Variants in HDLBP observed in about 807,000 individuals in gnomAD.
HDLBP encodes high density lipoprotein binding protein.
HDLBP carries 30 observed loss-of-function variants against 137.3 expected under a neutral mutation model. The ratio of observed to expected loss-of-function variants is 0.22; its 90% CI spans 0.16 to 0.30. The LOEUF is 0.30. Among genes scored for constraint, HDLBP ranks in the 10% least tolerant of loss-of-function variants. The pLI, the probability that HDLBP is intolerant of heterozygous loss-of-function variation, is 1.00. For synonymous variants in HDLBP, 606 were observed against 596.0 expected, an observed-to-expected ratio of 1.02 and a Z score of -0.24; for missense variants, 1,119 against 1,667.3, an observed-to-expected ratio of 0.67 and a Z score of 5.73.
Position 241,238,608 on chromosome 2 carries a change from G to T in HDLBP, c.2749+41C>A. On this transcript the variant is annotated intron_variant, in intron 20 of 27. Coordinates refer to ENST00000310931, the MANE Select transcript of HDLBP (RefSeq NM_005336.6). The surrounding 1 kb of genome is among the most constrained non-coding windows in gnomAD (Gnocchi z 4.9). ...CAGCCCCGCCTCTCACATGGGAGGC[G>T]CCACTATTAACAAGCAGAGCAGGGC... is the stretch of plus-strand genomic sequence containing the variant. 1 of 1,434,812 alleles carries T rather than the reference G, an allele frequency of 7.0e-7. No homozygotes were observed. The highest frequency in any genetic ancestry group is 9.3e-7 in the Non-Finnish European group (1 of 1,076,882). 88.9% of individuals were successfully genotyped at this position (1,434,812 alleles called of 1,614,324 possible). A position where few individuals can be genotyped will look rare whatever the true frequency, so the allele number is the denominator to read the frequency against.
At chr2:241,286,262 C>T (rs573312830) in intron 1 of HDLBP, among the ~76,000 whole-genome samples, 41 of 152,108 alleles carry the variant, frequency 2.7e-4, no homozygotes, top group Non-Finnish European at 4.3e-4. Context: ...AAAACCAACA[C>T]AGGCAACATA....
intron 1 of HDLBP, among the ~76,000 whole-genome samples, chr2:241,301,962 GGCTC>G (rs2075409624): frequency 6.6e-6 from 1 of 151,948 alleles, no homozygotes; most frequent in Admixed American, 6.6e-5. Flanking sequence ...CAGGCACAGT[GGCTC>G]ACACCTGTAA....
chr2:241,262,931 T>C lies in HDLBP; in HGVS notation c.235-5A>G. 1 of 1,590,320 alleles carries C rather than the reference T, an allele frequency of 6.3e-7. No homozygotes were observed. The highest frequency in any genetic ancestry group is 8.6e-7 in the Non-Finnish European group (1 of 1,158,802). ...CTCCAGGGGTACATGGAACACCTGC[T>C]CAAAAAAGATCAAAAAAGGAAAGGT... On this transcript the variant is annotated splice_polypyrimidine_tract_variant and splice_region_variant and intron_variant, in intron 4 of 27. Transcript: ENST00000310931.
chr2:241,312,549 T>C (rs1210312318), intron 1 of HDLBP, among the ~76,000 whole-genome samples: 2 of 152,270 alleles, frequency 1.3e-5, no homozygotes, highest in African/African-American at 4.8e-5. Context: ...TCTGCTTTTC[T>C]ACTTGGTCAA....
chr2:241,252,661 C>T (rs2072287328), intron 11 of HDLBP, among the ~76,000 whole-genome samples: 1 of 152,248 alleles, frequency 6.6e-6, no homozygotes, highest in Non-Finnish European at 1.5e-5. Context: ...ATAGAGAATG[C>T]TGCCCTTGGG....
At chr2:241,280,005 G>A in intron 1 of HDLBP, 1 of 985,412 alleles carries the variant, frequency 1.0e-6, no homozygotes, top group Non-Finnish European at 1.2e-6. Context: ...CGGACCAGGG[G>A]TCATCTCCAA....
At position 241,238,531 on chromosome 2, in the gene HDLBP, A is replaced by G; in HGVS notation, c.2749+118T>C. The stretch of plus-strand genomic sequence containing the variant: ...CTGAACCTCTGGAAGCCCCCAGAAT[A>G]CATAGATGGTTTTCCAGCAGAGACA... On this transcript the variant is annotated intron_variant, in intron 20 of 27. Transcript: ENST00000310931. This position sits in a 1 kb window ranked among gnomAD's most constrained non-coding sequence, Gnocchi z 4.9. 1 of 808,366 alleles carries G rather than the reference A, an allele frequency of 1.2e-6. No homozygotes were observed. The highest frequency in any genetic ancestry group is 2.8e-5 in the South Asian group (1 of 35,640). The allele number at this position is 808,366 out of a possible 1,614,324, so 50.1% of individuals were successfully genotyped here. A position where few individuals can be genotyped will look rare whatever the true frequency, so the allele number is the denominator to read the frequency against.
Position 241,249,972 on chromosome 2 carries a change from T to A in HDLBP, c.1381A>T (p.Ile461Phe). Residue 461 changes from isoleucine (I) to phenylalanine (F), a missense_variant, in exon 12 of 28, where the codon ATC becomes TTC. By Grantham distance (21) the Ile-to-Phe change is conservative. This residue lies in a region of HDLBP where 425 missense variants were observed against 693.9 expected (regional missense o/e 0.61). Transcript: ENST00000310931. ...IGKSGANINR[I>F]KDQYKVSVRI... ...ACGGACACCTTGTACTGGTCTTTGA[T>A]TCTGTTTACTTAGGAACACAAAAGG... The A allele has an allele frequency of 6.3e-7, 1 of 1,599,676 alleles. No individual in the cohort carries two copies. Among genetic ancestry groups the A allele is most frequent in the Non-Finnish European group, 8.5e-7 (1 of 1,175,336 alleles).
At chr2:241,290,610 C>T (rs375526818) in intron 1 of HDLBP, among the ~76,000 whole-genome samples, 2 of 111,070 alleles carry the variant, frequency 1.8e-5, no homozygotes, top group East Asian at 5.4e-4. Context: ...AACTCTGTCT[C>T]AAAGGAAAAA....
rs1018981574 is a variant in HDLBP at position 241,297,097 on chromosome 2, G to A, written c.-103+18473C>T. ...AATGATCAAGCTGCAAAAAGAGAGCGTGTAGGACTTGGACTTTTTTTGTTT... is the reference window on the plus strand; with the variant it reads ...AATGATCAAGCTGCAAAAAGAGAGCATGTAGGACTTGGACTTTTTTTGTTT... On this transcript the variant is annotated intron_variant, in intron 1 of 27. Transcript: ENST00000310931. 6.5e-5 allele frequency among the ~76,000 whole-genome samples: 9 copies of A among 138,238 alleles called. No homozygotes were observed. The South Asian group carries it at 1.3e-3, about 20-fold the overall frequency. The allele number at this position is 138,238 out of a possible 152,430, so 90.7% of individuals were successfully genotyped here.
chr2:241,295,431 A>G, intron 1 of HDLBP, among the ~76,000 whole-genome samples: 1 of 152,214 alleles, frequency 6.6e-6, no homozygotes, highest in East Asian at 1.9e-4. Flanking sequence ...ATGAAGCTCT[A>G]GTAACAGTGA....
At chr2:241,258,215 C>T (rs1049185060) in intron 5 of HDLBP, among the ~76,000 whole-genome samples, 2 of 151,982 alleles carry the variant, frequency 1.3e-5, no homozygotes, top group Non-Finnish European at 1.5e-5. Flanking sequence ...AGCATGGTGG[C>T]AGGCGCCTGT....
chr2:241,313,986 C>T (rs144712095), intron 1 of HDLBP, among the ~76,000 whole-genome samples: 23 of 152,332 alleles, frequency 1.5e-4, no homozygotes, highest in African/African-American at 4.6e-4. Flanking sequence ...ATAGCAGTAA[C>T]AGGAAAGTTT....
chr2:241,303,904 G>A (rs1442942113), intron 1 of HDLBP, among the ~76,000 whole-genome samples: 1 of 152,138 alleles, frequency 6.6e-6, no homozygotes, highest in Non-Finnish European at 1.5e-5. Context: ...GACCTCCTGG[G>A]CTCAAACGTG....
At chr2:241,314,874 G>C (rs561276819) in intron 1 of HDLBP, among the ~76,000 whole-genome samples, 1 of 152,206 alleles carries the variant, frequency 6.6e-6, no homozygotes, top group Non-Finnish European at 1.5e-5. Context: ...AACCTAGGAA[G>C]GCTTCCTGAA....
In HDLBP at chr2:241,240,255, T is replaced by TA; in HGVS notation, c.2170-134dup. 2 of 826,132 alleles carry TA rather than the reference T, an allele frequency of 2.4e-6. No homozygotes were observed. The highest frequency in any genetic ancestry group is 4.1e-6 in the Non-Finnish European group (2 of 485,424). 51.2% of individuals were successfully genotyped at this position (826,132 alleles called of 1,614,324 possible). A position where few individuals can be genotyped will look rare whatever the true frequency, so the allele number is the denominator to read the frequency against. ...CACCAGTGTCCTGATGTTGCACCAA[T>TA]ACCCCCAAAATGGGGCTAGCACACC... On this transcript the variant is annotated intron_variant, in intron 17 of 27. Transcript: ENST00000310931. The surrounding 1 kb of genome is among the most constrained non-coding windows in gnomAD (Gnocchi z 5.5).
intron 26 of HDLBP, 24 bp from the exon 27 acceptor site, chr2:241,229,985 AG>A: frequency 6.3e-7 from 1 of 1,583,564 alleles, no homozygotes. Context: ...ACAGGAAGAC[AG>A]GGTCAGTCTG....
chr2:241,256,090 A>G (rs868821035), intron 7 of HDLBP, 94 bp downstream of exon 7: 5 of 1,048,528 alleles, frequency 4.8e-6, no homozygotes, highest in East Asian at 2.5e-5. Flanking sequence ...GGACAAAAAG[A>G]TAAGGGGCAG....
At chr2:241,287,580 T>C (rs1430562604) in intron 1 of HDLBP, among the ~76,000 whole-genome samples, 6 of 152,238 alleles carry the variant, frequency 3.9e-5, no homozygotes, top group Admixed American at 2.6e-4. Context: ...CCACTATGCC[T>C]GGCTAATTTT....
Sources: gnomAD v4.1 joint callset for allele counts (sites outside exome capture counted in the v4.1 genomes callset) on GRCh38, gnomAD v4.1.1 for gene constraint, gnomAD v4.1.1 regional missense constraint, Gnocchi (gnomAD v3.1) non-coding constraint, MANE v1.5 for transcripts, NCBI Gene and HGNC (gene_info 2026-07-23, HGNC 2026-07-21) for gene names.